RALYL: variants seen among roughly 807,000 people sequenced by gnomAD.
The protein encoded by RALYL is RALY RNA binding protein like.
RALYL carries 29 observed loss-of-function variants against 35.1 expected under a neutral mutation model. The observed-to-expected ratio is 0.83, with a 90% CI of 0.61 to 1.13. The LOEUF is 1.13. Ranked by LOEUF, RALYL falls within the 50% of genes most tolerant of loss-of-function variation. RALYL has a pLI of 0.00. For synonymous variants in RALYL, 120 were observed against 127.6 expected (o/e 0.94, Z 0.40); for missense variants, 359 against 360.4 (o/e 1.00, Z 0.03).
intron 2 of RALYL, among the ~76,000 whole-genome samples, chr8:84,648,189 C>T (rs1827906094): frequency 6.6e-6 from 1 of 152,020 alleles, no homozygotes; most frequent in African/African-American, 2.4e-5. Flanking sequence ...TTAAACATTC[C>T]AGTATATCAC....
At chr8:84,678,331 T>C (rs1219089782) in intron 2 of RALYL, among the ~76,000 whole-genome samples, 1 of 152,114 alleles carries the variant, frequency 6.6e-6, no homozygotes, top group African/African-American at 2.4e-5. Context: ...TGGCGATATC[T>C]CAGCTCACTG....
chr8:84,326,460 T>C lies in RALYL; in HGVS notation c.-24+142036T>C, dbSNP rs1002851273. Among the ~76,000 whole-genome samples the C allele has an allele frequency of 2.0e-5, 3 of 152,288 alleles. No homozygotes were observed. In the East Asian group the frequency reaches 5.8e-4, roughly 29 times the overall value. ...CTTTGCATTTAGCTAACAGCTTAAC[T>C]TTCCTGAATTGAAGTAATCCCTACA... On this transcript the variant is annotated intron_variant, in intron 1 of 8. Transcript: ENST00000521268.
chr8:84,510,565 C>A (rs2057524961), intron 1 of RALYL, among the ~76,000 whole-genome samples: 1 of 152,156 alleles, frequency 6.6e-6, no homozygotes, highest in South Asian at 2.1e-4. Context: ...AATCCCACCA[C>A]TTTGGGAGGC....
chr8:84,226,516 CCTGCCT>C (rs1823915020), intron 1 of RALYL, among the ~76,000 whole-genome samples: 1 of 152,104 alleles, frequency 6.6e-6, no homozygotes, highest in African/African-American at 2.4e-5. Flanking sequence ...GAGTGATTCT[CCTGCCT>C]CTGAGTGATT....
intron 1 of RALYL, among the ~76,000 whole-genome samples, chr8:84,390,521 C>A (rs187486436): frequency 6.6e-6 from 1 of 151,996 alleles, no homozygotes; most frequent in Admixed American, 6.6e-5. Flanking sequence ...AATTTCAGAG[C>A]CTGTTATTGG....
intron 2 of RALYL, chr8:84,679,660 A>G: frequency 2.0e-6 from 1 of 496,298 alleles, no homozygotes; most frequent in South Asian, 1.5e-5. Flanking sequence ...GTGACAATGA[A>G]GTACAGAGAA....
intron 4 of RALYL, among the ~76,000 whole-genome samples, chr8:84,824,847 G>A (rs536257121): frequency 7.9e-5 from 12 of 152,152 alleles, no homozygotes; most frequent in East Asian, 5.8e-4. Context: ...CCTTTCACCA[G>A]ATACAAAAAT....
At chr8:84,788,868 G>A (rs1820157799) in intron 3 of RALYL, among the ~76,000 whole-genome samples, 1 of 152,182 alleles carries the variant, frequency 6.6e-6, no homozygotes, top group Admixed American at 6.5e-5. Context: ...AAATATCTGA[G>A]CCTTTAAGTG....
chr8:84,537,158 TTA>T (rs1491543813), intron 2 of RALYL, among the ~76,000 whole-genome samples: 2 of 54,552 alleles, frequency 3.7e-5, no homozygotes, highest in Non-Finnish European at 8.0e-5. Flanking sequence ...AATATATATA[TTA>T]AAAAAAAAAA....
At chr8:84,790,705 G>A (rs1217253799) in intron 3 of RALYL, among the ~76,000 whole-genome samples, 1 of 152,172 alleles carries the variant, frequency 6.6e-6, no homozygotes, top group African/African-American at 2.4e-5. Flanking sequence ...TCAAGCCAGA[G>A]TACATTCAGA....
At chr8:84,838,683 C>T (rs920338237) in intron 4 of RALYL, among the ~76,000 whole-genome samples, 1 of 152,138 alleles carries the variant, frequency 6.6e-6, no homozygotes, top group Non-Finnish European at 1.5e-5. Context: ...TACATCTTAG[C>T]AGTCAGGATT....
intron 2 of RALYL, among the ~76,000 whole-genome samples, chr8:84,639,087 G>A (rs1294887549): frequency 6.0e-5 from 9 of 150,292 alleles, no homozygotes; most frequent in Non-Finnish European, 1.3e-4. Flanking sequence ...GCATGCAAAT[G>A]TGCACTTTCT....
intron 1 of RALYL, among the ~76,000 whole-genome samples, chr8:84,360,169 G>T (rs1252046053): frequency 1.3e-5 from 2 of 152,092 alleles, no homozygotes; most frequent in Non-Finnish European, 2.9e-5. Context: ...CACCATACCT[G>T]GCCATGCGTT....
intron 4 of RALYL, among the ~76,000 whole-genome samples, chr8:84,842,035 C>G (rs1280580638): frequency 2.0e-5 from 3 of 152,128 alleles, no homozygotes; most frequent in African/African-American, 7.2e-5. Context: ...AAAATTGACA[C>G]CCTAACATCA....
intron 1 of RALYL, among the ~76,000 whole-genome samples, chr8:84,429,703 A>T (rs1393817910): frequency 6.6e-6 from 1 of 152,084 alleles, no homozygotes; most frequent in Non-Finnish European, 1.5e-5. Flanking sequence ...AATTATTTTG[A>T]TGTGCTAGAA....
At chr8:84,800,423 A>C (rs1416487170) in intron 3 of RALYL, among the ~76,000 whole-genome samples, 1 of 152,222 alleles carries the variant, frequency 6.6e-6, no homozygotes, top group Non-Finnish European at 1.5e-5. Context: ...CCTGGCCTTC[A>C]GTAAATACAA....
chr8:84,303,455 G>A (rs73296724), intron 1 of RALYL, among the ~76,000 whole-genome samples: 3,098 of 152,268 alleles, frequency 0.02, 116 homozygotes, highest in African/African-American at 0.07. Context: ...GCTGACAACT[G>A]TGTTGTTGTA....
chr8:84,860,997 G>A (rs1405706429), intron 5 of RALYL, among the ~76,000 whole-genome samples: 2 of 151,994 alleles, frequency 1.3e-5, no homozygotes, highest in Non-Finnish European at 2.9e-5. Flanking sequence ...CCTAAAAATA[G>A]ATGATCACAT....
intron 1 of RALYL, among the ~76,000 whole-genome samples, chr8:84,226,079 G>A (rs1053078543): frequency 7.2e-5 from 11 of 152,176 alleles, no homozygotes; most frequent in Non-Finnish European, 1.6e-4. Context: ...CAGGGGGTGA[G>A]CTGCCAGCTA....
Sources: allele counts gnomAD v4.1 joint callset (sites outside exome capture counted in the v4.1 genomes callset), GRCh38; gene constraint gnomAD v4.1.1; transcripts MANE v1.5; gene names NCBI Gene and HGNC (gene_info 2026-07-23, HGNC 2026-07-21).